The following SORL1 variants were observed in gnomAD, a reference collection of about 807,000 sequenced individuals.
SORL1 encodes sortilin related receptor 1, also known as sortilin-related receptor.
In SORL1, 127 loss-of-function variants were observed where a neutral mutation model predicts 273.7. The ratio of observed to expected loss-of-function variants is 0.46; its 90% confidence interval spans 0.40 to 0.54. SORL1 has a LOEUF of 0.54. Ranked by LOEUF, SORL1 falls within the 20% of genes least tolerant of loss-of-function variation. The pLI is 0.00. For missense variants in SORL1, 2,494 were observed against 2,846.1 expected, an observed-to-expected ratio of 0.88 and a Z score of 2.81; for synonymous variants, 1,031 against 1,067.4, an observed-to-expected ratio of 0.97 and a Z score of 0.66.
chr11:121,625,231 G>T lies in SORL1; in HGVS notation c.6318G>T (p.Gln2106His), dbSNP rs149393026. Residue 2106 changes from glutamine to histidine, a missense_variant, in exon 46 of 48, where the codon CAG becomes CAT. Coordinates refer to ENST00000260197, the MANE Select transcript of SORL1 (RefSeq NM_003105.6). ...TVQARCLFGN[Q>H]ICGEPAILLY... is the part of the protein sequence containing the mutation. ...AAGCAAGATGCCTTTTTGGCAACCA[G>T]ATCTGTGGGGAGCCTGCCATCCTGC... is the stretch of plus-strand genomic sequence containing the variant. 1 of 1,614,096 alleles carries T rather than the reference G, an allele frequency of 6.2e-7. No individual in the cohort carries two copies. Among genetic ancestry groups the T allele is most frequent in the Non-Finnish European group, 8.5e-7 (1 of 1,180,012 alleles).
chr11:121,575,412 A>G (rs1862913091), intron 24 of SORL1, among the ~76,000 whole-genome samples: 1 of 152,262 alleles, frequency 6.6e-6, no homozygotes, highest in African/African-American at 2.4e-5. Flanking sequence ...ACGCTGACCC[A>G]GACGTGGTGA....
intron 4 of SORL1, 126 bp downstream of exon 4, chr11:121,488,319 T>C (rs1480202332): frequency 1.1e-6 from 1 of 939,998 alleles, no homozygotes; most frequent in Non-Finnish European, 1.6e-6. Flanking sequence ...GGGCCTAGCC[T>C]TTGTAGCTAC....
chr11:121,475,317 C>T (rs2134788933), intron 2 of SORL1, among the ~76,000 whole-genome samples: 1 of 152,002 alleles, frequency 6.6e-6, no homozygotes, highest in Admixed American at 6.5e-5. Context: ...ATAAAAATGT[C>T]ATGTTGGAAT....
chr11:121,475,619 A>AC (rs1861254353), intron 2 of SORL1, among the ~76,000 whole-genome samples: 1 of 152,162 alleles, frequency 6.6e-6, no homozygotes, highest in African/African-American at 2.4e-5. Flanking sequence ...TGGCCTGTAG[A>AC]CTTGGTATAA....
chr11:121,522,826 T>G (rs1272817685), intron 10 of SORL1, 90 bp from the exon 11 acceptor site: 1 of 1,362,730 alleles, frequency 7.3e-7, no homozygotes, highest in African/African-American at 1.4e-5. Context: ...CATTCTTAGT[T>G]GCTAGATACT....
At chr11:121,576,395 CTCTT>C (rs1300230698) in intron 24 of SORL1, among the ~76,000 whole-genome samples, 1 of 152,172 alleles carries the variant, frequency 6.6e-6, no homozygotes, top group Non-Finnish European at 1.5e-5. Context: ...TCCCTCCCAC[CTCTT>C]TCTTAAGGAC....
intron 6 of SORL1, among the ~76,000 whole-genome samples, chr11:121,509,664 A>G (rs1223242702): frequency 6.6e-6 from 1 of 152,104 alleles, no homozygotes; most frequent in Non-Finnish European, 1.5e-5. Flanking sequence ...TTTAGTAGAG[A>G]CGGGGTTTCA....
intron 32 of SORL1, among the ~76,000 whole-genome samples, chr11:121,603,388 C>T (rs1417932656): frequency 6.6e-6 from 1 of 152,244 alleles, no homozygotes; most frequent in African/African-American, 2.4e-5. Flanking sequence ...CCCAGGTACA[C>T]AGCCTGCATA....
chr11:121,533,491 T>C (rs1862229592), intron 12 of SORL1, among the ~76,000 whole-genome samples: 1 of 152,210 alleles, frequency 6.6e-6, no homozygotes, highest in Non-Finnish European at 1.5e-5. Context: ...TCAGAACCAG[T>C]CCTCTGATTA....
chr11:121,588,683 G>A (rs558245028), intron 28 of SORL1, among the ~76,000 whole-genome samples: 1 of 152,244 alleles, frequency 6.6e-6, no homozygotes, highest in South Asian at 2.1e-4. Flanking sequence ...GACTGCTGTA[G>A]CAGAGTACCA....
At chr11:121,527,195 G>GT (rs1198693628) in intron 11 of SORL1, among the ~76,000 whole-genome samples, 1 of 36,244 alleles carries the variant, frequency 2.8e-5, no homozygotes, top group Admixed American at 2.6e-4. Context: ...TAGTTGTTGA[G>GT]TATTTTTTTT....
chr11:121,516,718 C>T (rs1255611815), intron 8 of SORL1, among the ~76,000 whole-genome samples: 2 of 152,100 alleles, frequency 1.3e-5, no homozygotes, highest in Admixed American at 1.3e-4. Flanking sequence ...CAGTGGCGGA[C>T]CCTACCTCCT....
intron 6 of SORL1, among the ~76,000 whole-genome samples, chr11:121,497,831 G>A (rs989318173): frequency 2.6e-5 from 4 of 152,172 alleles, no homozygotes; most frequent in Non-Finnish European, 5.9e-5. Flanking sequence ...TCTGTTGAAG[G>A]CCTTTGCTAA....
intron 5 of SORL1, among the ~76,000 whole-genome samples, chr11:121,490,911 A>G (rs1267735768): frequency 6.6e-6 from 1 of 152,200 alleles, no homozygotes; most frequent in Non-Finnish European, 1.5e-5. Context: ...CACATTGTGA[A>G]AGAGGCACAG....
At chr11:121,519,520 A>G (rs1455008725) in intron 8 of SORL1, among the ~76,000 whole-genome samples, 1 of 151,912 alleles carries the variant, frequency 6.6e-6, no homozygotes, top group Non-Finnish European at 1.5e-5. Context: ...CATGCCGTCC[A>G]TATTCTCTTA....
chr11:121,500,729 CCCAGGCATTAT>C (rs1861697507), intron 6 of SORL1, among the ~76,000 whole-genome samples: 1 of 152,164 alleles, frequency 6.6e-6, no homozygotes, highest in African/African-American at 2.4e-5. Context: ...CTTGACAGGT[CCCAGGCATTAT>C]CCAGAAAAGT....
chr11:121,628,406 C>G (rs1017459656), intron 47 of SORL1, among the ~76,000 whole-genome samples: 1 of 152,200 alleles, frequency 6.6e-6, no homozygotes, highest in Non-Finnish European at 1.5e-5. Flanking sequence ...CAGTCTGGAT[C>G]CCTTGCACGC....
intron 8 of SORL1, 57 bp from the exon 9 acceptor site, chr11:121,520,600 T>G (rs1420809811): frequency 6.4e-6 from 8 of 1,246,164 alleles, no homozygotes; most frequent in Non-Finnish European, 6.6e-6. Flanking sequence ...TTTATGTTAT[T>G]TACAATAACA....
chr11:121,569,435 C>T (rs982452817), intron 22 of SORL1, among the ~76,000 whole-genome samples: 1 of 152,240 alleles, frequency 6.6e-6, no homozygotes, highest in Non-Finnish European at 1.5e-5. Flanking sequence ...AGAAATATCG[C>T]TGAATTCTTT....
Sources: gnomAD v4.1 joint callset for allele counts (sites outside exome capture counted in the v4.1 genomes callset) on GRCh38, gnomAD v4.1.1 for gene constraint, MANE v1.5 for transcripts, NCBI Gene and HGNC (gene_info 2026-07-23, HGNC 2026-07-21) for gene names.